Variants in ARHGAP10 observed in about 807,000 individuals in gnomAD.
The protein encoded by ARHGAP10 is Rho GTPase activating protein 10.
ARHGAP10 carries 87 observed loss-of-function variants against 108.6 expected under a neutral mutation model. That is an observed-to-expected ratio of 0.80 (90% confidence interval 0.67 to 0.96). The LOEUF (loss-of-function observed/expected upper bound fraction) is 0.96. ARHGAP10 is among the 40% of genes least tolerant of loss of function. ARHGAP10 has a pLI of 0.00. For missense variants in ARHGAP10, 939 were observed against 954.5 expected, an observed-to-expected ratio of 0.98 and a Z score of 0.21; for synonymous variants, 347 against 341.1, an observed-to-expected ratio of 1.02 and a Z score of -0.19.
At chr4:147,938,495 T>G (rs1738039933) in intron 13 of ARHGAP10, among the ~76,000 whole-genome samples, 1 of 152,174 alleles carries the variant, frequency 6.6e-6, no homozygotes, top group South Asian at 2.1e-4. Context: ...AGGACATGTG[T>G]TAGTATCATC....
intron 1 of ARHGAP10, among the ~76,000 whole-genome samples, chr4:147,819,109 A>G (rs879632617): frequency 1.3e-5 from 2 of 152,250 alleles, no homozygotes; most frequent in African/African-American, 2.4e-5. Flanking sequence ...AACATTTTCA[A>G]CTAATGAAAT....
At chr4:148,052,391 G>GA (rs1560894068) in intron 20 of ARHGAP10, among the ~76,000 whole-genome samples, 1 of 88,002 alleles carries the variant, frequency 1.1e-5, no homozygotes, top group Admixed American at 1.2e-4. Flanking sequence ...TTGCACATTT[G>GA]CTTTTTTTTT....
At chr4:148,062,269 A>G (rs1460111226) in intron 20 of ARHGAP10, among the ~76,000 whole-genome samples, 2 of 152,180 alleles carry the variant, frequency 1.3e-5, no homozygotes, top group Non-Finnish European at 2.9e-5. Context: ...GGCAGGGGAA[A>G]CAATCTGAGA....
At chr4:147,766,958 C>A (rs544170838) in intron 1 of ARHGAP10, among the ~76,000 whole-genome samples, 340 of 151,570 alleles carry the variant, frequency 2.2e-3, no homozygotes, top group Non-Finnish European at 4.2e-3. Context: ...AAGCGATTCT[C>A]CTGCCTCAGC....
intron 20 of ARHGAP10, among the ~76,000 whole-genome samples, chr4:148,049,224 C>T (rs1422949035): frequency 1.3e-5 from 2 of 152,112 alleles, no homozygotes; most frequent in African/African-American, 4.8e-5. Flanking sequence ...CTGCTGGCCC[C>T]ACCCTGGAGC....
At chr4:148,064,566 G>A in intron 22 of ARHGAP10, 59 bp downstream of exon 22, 8 of 1,481,964 alleles carry the variant, frequency 5.4e-6, no homozygotes, top group South Asian at 3.4e-5. Context: ...TAAGTCTGCA[G>A]CATGGAGTGA....
intron 18 of ARHGAP10, among the ~76,000 whole-genome samples, chr4:148,017,842 T>C (rs1741409332): frequency 6.6e-6 from 1 of 152,090 alleles, no homozygotes; most frequent in Admixed American, 6.5e-5. Context: ...TATCCTGTTA[T>C]TGGCAAAGTA....
intron 1 of ARHGAP10, among the ~76,000 whole-genome samples, chr4:147,736,120 C>CTGTGTGTGTGTGTGTGTGTGTGTGTGTG (rs10644088): frequency 6.9e-6 from 1 of 144,634 alleles, no homozygotes; most frequent in African/African-American, 2.5e-5. Flanking sequence ...AATTGTCTAG[C>CTGTGTGTGTGTGTGTGTGTGTGTGTGTG]TGTGTGTGTG....
intron 18 of ARHGAP10, among the ~76,000 whole-genome samples, chr4:147,974,210 T>A (rs1739512889): frequency 6.6e-6 from 1 of 152,198 alleles, no homozygotes; most frequent in Non-Finnish European, 1.5e-5. Context: ...GACTTTTGGA[T>A]AAAAGCCATT....
chr4:147,872,535 C>T (rs1007833695), intron 7 of ARHGAP10, among the ~76,000 whole-genome samples: 6 of 152,144 alleles, frequency 3.9e-5, no homozygotes, highest in African/African-American at 4.8e-5. Flanking sequence ...AGCACCCCTG[C>T]GCTATTGGAT....
At chr4:147,846,394 T>C (rs1168809170) in intron 3 of ARHGAP10, among the ~76,000 whole-genome samples, 1 of 152,244 alleles carries the variant, frequency 6.6e-6, no homozygotes, top group Admixed American at 6.5e-5. Flanking sequence ...TCTGGTCTCC[T>C]GGAAGCAGAG....
intron 1 of ARHGAP10, among the ~76,000 whole-genome samples, chr4:147,779,877 T>C (rs1307907030): frequency 1.3e-5 from 2 of 152,174 alleles, no homozygotes; most frequent in African/African-American, 4.8e-5. Context: ...TGGAAGAATG[T>C]TGTTTAAAAA....
chr4:147,832,923 C>T (rs147228885), intron 3 of ARHGAP10, among the ~76,000 whole-genome samples: 13 of 152,268 alleles, frequency 8.5e-5, no homozygotes, highest in Middle Eastern at 3.4e-3. Flanking sequence ...ACAACTGTAG[C>T]TCCTCAGTAT....
chr4:147,871,084 C>T (rs935028429), intron 7 of ARHGAP10, among the ~76,000 whole-genome samples: 4 of 151,988 alleles, frequency 2.6e-5, no homozygotes, highest in East Asian at 1.9e-4. Context: ...CTCAGCCTCC[C>T]GAGTAGCTGG....
At chr4:148,006,368 C>T (rs1002414435) in intron 18 of ARHGAP10, among the ~76,000 whole-genome samples, 5 of 152,198 alleles carry the variant, frequency 3.3e-5, no homozygotes, top group African/African-American at 7.2e-5. Flanking sequence ...CAGCTGACAA[C>T]GAAAATGGTG....
At chr4:147,978,855 C>T (rs575536933) in intron 18 of ARHGAP10, among the ~76,000 whole-genome samples, 9 of 152,044 alleles carry the variant, frequency 5.9e-5, no homozygotes, top group Non-Finnish European at 1.0e-4. Context: ...GCCATTTGTC[C>T]GTCTTCTTTT....
rs556207141 is a variant in ARHGAP10 at position 147,800,745 on chromosome 4, C to T, written c.155-21982C>T. ...CCTCTGCTATTTCCAGGGTTTATAGCGCTTAGTAGGGAGGAGCAGAGAGAC... is the reference window on the plus strand; with the variant it reads ...CCTCTGCTATTTCCAGGGTTTATAGTGCTTAGTAGGGAGGAGCAGAGAGAC... On this transcript the variant is annotated intron_variant, in intron 1 of 22. Transcript: ENST00000336498. Among the ~76,000 whole-genome samples the T allele has an allele frequency of 2.5e-4, 38 of 152,252 alleles. 1 individual carries two copies. Among genetic ancestry groups the T allele is most frequent in the African/African-American group, 7.7e-4 (32 of 41,552 alleles).
At chr4:147,969,691 A>C (rs576446409) in intron 18 of ARHGAP10, among the ~76,000 whole-genome samples, 1 of 152,200 alleles carries the variant, frequency 6.6e-6, no homozygotes, top group Non-Finnish European at 1.5e-5. Flanking sequence ...GGAAGTAGAT[A>C]GTGCTGCTTT....
At chr4:147,980,709 T>C (rs1739779208) in intron 18 of ARHGAP10, among the ~76,000 whole-genome samples, 1 of 152,190 alleles carries the variant, frequency 6.6e-6, no homozygotes. Context: ...TGATTCAGTT[T>C]CATTACTCCA....
Sources: allele counts gnomAD v4.1 joint callset (sites outside exome capture counted in the v4.1 genomes callset), GRCh38; gene constraint gnomAD v4.1.1; transcripts MANE v1.5; gene names NCBI Gene and HGNC (gene_info 2026-07-23, HGNC 2026-07-21).